The following KIAA1217 variants were observed in gnomAD, a reference collection of about 807,000 sequenced individuals.
The protein encoded by KIAA1217 is KIAA1217, also known as sickle tail protein homolog.
KIAA1217 carries 88 observed loss-of-function variants against 163.9 expected under a neutral mutation model. The observed-to-expected ratio is 0.54, with a 90% CI of 0.45 to 0.64. The LOEUF (loss-of-function observed/expected upper bound fraction) is 0.64. KIAA1217 is among the 30% of genes least tolerant of loss of function. The probability of loss-of-function intolerance (pLI) is 0.00; values close to 1 mark genes in which losing one functional copy is unlikely to be tolerated. For missense variants in KIAA1217, 2,372 were observed against 2,475.0 expected (o/e 0.96, Z 0.88); for synonymous variants, 903 against 923.1 (o/e 0.98, Z 0.39).
chr10:24,105,745 C>T (rs951455803), intron 2 of KIAA1217, among the ~76,000 whole-genome samples: 8 of 152,166 alleles, frequency 5.3e-5, no homozygotes, highest in Admixed American at 5.2e-4. Context: ...TTCTAGGATG[C>T]AATGGTGAAG....
chr10:23,903,806 C>T (rs116720123), intron 1 of KIAA1217, among the ~76,000 whole-genome samples: 2,021 of 152,216 alleles, frequency 0.013, 46 homozygotes, highest in African/African-American at 0.043. Flanking sequence ...GTATTTCCTA[C>T]ACCTCATCAC....
intron 6 of KIAA1217, among the ~76,000 whole-genome samples, chr10:24,487,563 T>C (rs890391523): frequency 2.0e-5 from 3 of 152,248 alleles, no homozygotes; most frequent in Non-Finnish European, 2.9e-5. Flanking sequence ...TTTCATTCTG[T>C]CAACACCTCA....
At chr10:24,182,779 G>A (rs1455775113) in intron 2 of KIAA1217, among the ~76,000 whole-genome samples, 1 of 152,160 alleles carries the variant, frequency 6.6e-6, no homozygotes. Context: ...TACTAAAATT[G>A]TAGTGCTCCT....
chr10:24,398,038 G>T (rs954389416), intron 3 of KIAA1217, among the ~76,000 whole-genome samples: 1 of 152,176 alleles, frequency 6.6e-6, no homozygotes, highest in Non-Finnish European at 1.5e-5. Flanking sequence ...GGGATTAGGG[G>T]CGCTGACTCC....
At chr10:24,486,241 G>A (rs970835966) in intron 6 of KIAA1217, among the ~76,000 whole-genome samples, 2 of 152,142 alleles carry the variant, frequency 1.3e-5, no homozygotes, top group Non-Finnish European at 1.5e-5. Flanking sequence ...TAAAACATGA[G>A]ACCTTTCACG....
intron 1 of KIAA1217, among the ~76,000 whole-genome samples, chr10:23,962,386 G>A (rs77115285): frequency 0.019 from 2,948 of 152,174 alleles, 57 homozygotes; most frequent in Admixed American, 0.063. Context: ...CTCAAACATG[G>A]CACCTTCTTG....
rs1355001593 is a variant in KIAA1217 at position 24,483,549 on chromosome 10, C to G, written c.1679+9489C>G. Among the ~76,000 whole-genome samples, 3 of 152,052 alleles carry G rather than the reference C, an allele frequency of 2.0e-5. No individual in the cohort carries two copies. In the East Asian group the frequency reaches 5.8e-4, roughly 29 times the overall value. On this transcript the variant is annotated intron_variant, in intron 6 of 20. Transcript: ENST00000376454. ...GACCAAATATAGCAAATGTTTTTTT[C>G]TTTTCCCTAAGAGTCATTATTTTAT...
intron 2 of KIAA1217, among the ~76,000 whole-genome samples, chr10:24,255,000 C>A (rs1436451245): frequency 2.0e-5 from 3 of 152,026 alleles, no homozygotes; most frequent in Non-Finnish European, 4.4e-5. Context: ...ATTACAGGAG[C>A]CCGCCACCAT....
Position 24,036,184 on chromosome 10 carries a change from G to A in KIAA1217, c.-171+28810G>A, listed in dbSNP as rs78486247. Among the ~76,000 whole-genome samples, 215 of 152,306 alleles carry A rather than the reference G, an allele frequency of 1.4e-3. 4 individuals are homozygous for A. The East Asian group carries it at 0.032, about 23-fold the overall frequency. On this transcript the variant is annotated intron_variant, in intron 2 of 18. Transcript: ENST00000376462. ...AGGCAGTTACAAAAGCAGAATCCGG[G>A]AGCTTTAGCAAAGGTTCAGAAACCA...
At chr10:23,878,377 AT>A (rs1216592457) in intron 1 of KIAA1217, among the ~76,000 whole-genome samples, 4 of 151,904 alleles carry the variant, frequency 2.6e-5, no homozygotes, top group African/African-American at 2.4e-5. Context: ...CTCTTGATTC[AT>A]TTAAATGATT....
At chr10:24,520,651 A>AAAATAT (rs1554926857) in intron 11 of KIAA1217, among the ~76,000 whole-genome samples, 15 of 39,660 alleles carry the variant, frequency 3.8e-4, no homozygotes, top group South Asian at 1.1e-3. Flanking sequence ...AAAAAAAAAA[A>AAAATAT]ATATATATAT....
chr10:23,949,673 G>A (rs1026211720), intron 1 of KIAA1217, among the ~76,000 whole-genome samples: 4 of 151,984 alleles, frequency 2.6e-5, no homozygotes, highest in African/African-American at 9.7e-5. Flanking sequence ...TATACTAAAA[G>A]TCATTTATGA....
chr10:23,986,228 C>T (rs769873062), intron 1 of KIAA1217, among the ~76,000 whole-genome samples: 14 of 152,134 alleles, frequency 9.2e-5, no homozygotes, highest in Non-Finnish European at 1.9e-4. Context: ...CTTTCAGGTC[C>T]CTTCTAGTAA....
intron 1 of KIAA1217, among the ~76,000 whole-genome samples, chr10:23,888,366 A>T (rs1489721701): frequency 1.3e-5 from 2 of 151,928 alleles, no homozygotes. Context: ...CGTTTAATCA[A>T]CCTCACTCTA....
At chr10:24,036,211 G>A (rs1848392022) in intron 2 of KIAA1217, among the ~76,000 whole-genome samples, 1 of 152,228 alleles carries the variant, frequency 6.6e-6, no homozygotes, top group Admixed American at 6.5e-5. Context: ...CAGAAACCAG[G>A]AAGAGAGTTC....
At chr10:23,811,007 A>G (rs1340894429) in intron 1 of KIAA1217, among the ~76,000 whole-genome samples, 1 of 122,182 alleles carries the variant, frequency 8.2e-6, no homozygotes, top group Non-Finnish European at 1.6e-5. Context: ...TTATTATACT[A>G]TATAGAGTAT....
chr10:24,215,213 G>A (rs926208857), intron 1 of KIAA1217, among the ~76,000 whole-genome samples: 3 of 152,102 alleles, frequency 2.0e-5, no homozygotes, highest in South Asian at 2.1e-4. Flanking sequence ...GATTTTGCTC[G>A]GCTTTAAGCT....
intron 2 of KIAA1217, among the ~76,000 whole-genome samples, chr10:24,277,976 CA>C (rs1324217112): frequency 6.6e-6 from 1 of 152,242 alleles, no homozygotes; most frequent in Non-Finnish European, 1.5e-5. Context: ...TGCTTTTGGA[CA>C]GCAGCTCTAT....
intron 1 of KIAA1217, among the ~76,000 whole-genome samples, chr10:24,209,691 G>A (rs541794693): frequency 1.3e-5 from 2 of 152,312 alleles, no homozygotes; most frequent in East Asian, 1.9e-4. Context: ...ATGCATGCTG[G>A]CTGCAAAGTT....
Sources: gnomAD v4.1 joint callset for allele counts (sites outside exome capture counted in the v4.1 genomes callset) on GRCh38, gnomAD v4.1.1 for gene constraint, MANE v1.5 for transcripts, NCBI Gene and HGNC (gene_info 2026-07-23, HGNC 2026-07-21) for gene names.